RHOBTB1: variants seen among roughly 807,000 people sequenced by gnomAD.
RHOBTB1 encodes the protein Rho related BTB domain containing 1.
RHOBTB1 carries 40 observed loss-of-function variants against 71.6 expected under a neutral mutation model. That is an observed-to-expected ratio of 0.56 (90% CI 0.43 to 0.73). The LOEUF (loss-of-function observed/expected upper bound fraction) is 0.73. RHOBTB1 is among the 30% of genes least tolerant of loss of function. RHOBTB1 has a pLI of 0.00. For missense variants in RHOBTB1, 797 were observed against 894.0 expected (o/e 0.89, Z 1.38); for synonymous variants, 319 against 334.9 (o/e 0.95, Z 0.52).
intron 10 of RHOBTB1, 54 bp downstream of exon 10, chr10:60,872,131 G>T (rs768149895): frequency 7.7e-7 from 1 of 1,292,154 alleles, no homozygotes; most frequent in Non-Finnish European, 1.1e-6. Flanking sequence ...GAAGATAAAA[G>T]CTTCCATGAG....
At chr10:60,953,474 C>A (rs2085481763) in intron 2 of RHOBTB1, among the ~76,000 whole-genome samples, 1 of 152,134 alleles carries the variant, frequency 6.6e-6, no homozygotes, top group Non-Finnish European at 1.5e-5. Context: ...AAAAGTAGTA[C>A]CTAAGCGACT....
chr10:60,904,820 C>T (rs145570391), intron 4 of RHOBTB1, among the ~76,000 whole-genome samples: 8 of 152,282 alleles, frequency 5.3e-5, no homozygotes, highest in African/African-American at 1.7e-4. Context: ...GTTCAAATTG[C>T]TGCTTTTCTT....
At chr10:60,965,608 C>T (rs189189941) in intron 2 of RHOBTB1, among the ~76,000 whole-genome samples, 435 of 152,150 alleles carry the variant, frequency 2.9e-3, no homozygotes, top group Non-Finnish European at 5.1e-3. Flanking sequence ...TTTCAAGTGC[C>T]TCCATGTTTG....
chr10:60,912,548 T>A (rs942382263), intron 2 of RHOBTB1, among the ~76,000 whole-genome samples: 12 of 152,226 alleles, frequency 7.9e-5, no homozygotes, highest in Non-Finnish European at 1.5e-4. Context: ...AAAGATATTC[T>A]TGAGGGCCCA....
intron 6 of RHOBTB1, among the ~76,000 whole-genome samples, chr10:60,887,174 G>A (rs1390773759): frequency 6.6e-6 from 1 of 151,638 alleles, no homozygotes; most frequent in African/African-American, 2.4e-5. Flanking sequence ...TCTACCTAAA[G>A]CTCACTGTTT....
chr10:60,980,016 T>C (rs1230348042), intron 2 of RHOBTB1, among the ~76,000 whole-genome samples: 2 of 152,106 alleles, frequency 1.3e-5, no homozygotes, highest in African/African-American at 4.8e-5. Flanking sequence ...GTCAGGCAGG[T>C]CACTGCTGGC....
At chr10:60,949,437 C>T (rs1356007301) in intron 2 of RHOBTB1, among the ~76,000 whole-genome samples, 1 of 152,156 alleles carries the variant, frequency 6.6e-6, no homozygotes, top group Non-Finnish European at 1.5e-5. Flanking sequence ...CCCAGCTCTG[C>T]AGGATTTTGA....
At chr10:60,997,022 A>C (rs899709194) in intron 1 of RHOBTB1, among the ~76,000 whole-genome samples, 3 of 150,852 alleles carry the variant, frequency 2.0e-5, no homozygotes, top group Non-Finnish European at 3.0e-5. Flanking sequence ...AACATGCTTG[A>C]TTTGAGCCAA....
In RHOBTB1 at chr10:60,888,912, C is replaced by T. The variant is rs79570598; in HGVS notation, c.756G>A (p.Gly252=). 9.5e-5 allele frequency: 154 copies of T among 1,614,022 alleles called. No individual in the cohort carries two copies. The highest frequency in any genetic ancestry group is 1.2e-4 in the Non-Finnish European group (146 of 1,180,026). Residue 252 remains glycine, a synonymous_variant, in exon 6 of 11, where the codon GGG becomes GGA. Transcript: ENST00000337910. ...VIKIPECPSM[G]TNEAACLLDN... ...CCAGTAAACAGGCAGCTTCATTTGT[C>T]CCCATGGAAGGACACTCTGGAATTT...
intron 3 of RHOBTB1, 24 bp from the exon 4 acceptor site, chr10:60,911,014 T>C: frequency 1.3e-6 from 2 of 1,582,620 alleles, no homozygotes; most frequent in Non-Finnish European, 1.7e-6. Context: ...AGAGAGCATC[T>C]GTGCTCGGTG....
intron 4 of RHOBTB1, among the ~76,000 whole-genome samples, chr10:60,904,399 T>G (rs1384905637): frequency 6.6e-6 from 1 of 152,196 alleles, no homozygotes; most frequent in Non-Finnish European, 1.5e-5. Context: ...CCCTAAAATT[T>G]CCTTATGTTC....
intron 4 of RHOBTB1, among the ~76,000 whole-genome samples, chr10:60,897,743 G>C (rs937587049): frequency 5.3e-5 from 8 of 152,044 alleles, no homozygotes; most frequent in Admixed American, 1.3e-4. Flanking sequence ...GTCTTGCTCT[G>C]TTGCCCAGGC....
At chr10:60,869,226 G>A, downstream of RHOBTB1, among the ~76,000 whole-genome samples, 1 of 152,190 alleles carries the variant, frequency 6.6e-6, no homozygotes, top group East Asian at 1.9e-4. Context: ...TATTAGCCAA[G>A]AGCAAAGCAC....
At chr10:60,990,390 C>A (rs2086821258) in intron 1 of RHOBTB1, among the ~76,000 whole-genome samples, 1 of 152,138 alleles carries the variant, frequency 6.6e-6, no homozygotes, top group South Asian at 2.1e-4. Flanking sequence ...CCCCAAGAAT[C>A]TTTTTGAGAC....
At chr10:60,905,997 A>G (rs558797552) in intron 4 of RHOBTB1, among the ~76,000 whole-genome samples, 47 of 152,340 alleles carry the variant, frequency 3.1e-4, no homozygotes, top group African/African-American at 1.1e-3. Flanking sequence ...TCAACATGAA[A>G]CTAGACATAC....
chr10:60,913,213 C>T (rs2083083778), intron 2 of RHOBTB1, among the ~76,000 whole-genome samples: 2 of 152,306 alleles, frequency 1.3e-5, no homozygotes, highest in South Asian at 4.1e-4. Flanking sequence ...GAACTGTCGA[C>T]TGTAACGCCA....
chr10:60,864,465 A>G (rs889826564), downstream of RHOBTB1, among the ~76,000 whole-genome samples: 2 of 152,212 alleles, frequency 1.3e-5, no homozygotes, highest in Admixed American at 6.5e-5. Context: ...ATAAAACTGA[A>G]AGAGCATATA....
intron 4 of RHOBTB1, among the ~76,000 whole-genome samples, chr10:60,899,007 A>G (rs1044824759): frequency 6.6e-6 from 1 of 152,228 alleles, no homozygotes; most frequent in African/African-American, 2.4e-5. Context: ...GGTTGGTTCT[A>G]CCATCATAGT....
chr10:60,969,476 A>C (rs2086080332), intron 2 of RHOBTB1, among the ~76,000 whole-genome samples: 1 of 152,106 alleles, frequency 6.6e-6, no homozygotes, highest in Non-Finnish European at 1.5e-5. Context: ...GGAAAACAGA[A>C]GAAATAGTGA....
Sources: allele counts gnomAD v4.1 joint callset (sites outside exome capture counted in the v4.1 genomes callset), GRCh38; gene constraint gnomAD v4.1.1; transcripts MANE v1.5; gene names NCBI Gene and HGNC (gene_info 2026-07-23, HGNC 2026-07-21).